The following PIGP variants were observed in gnomAD, a reference collection of about 807,000 sequenced individuals.
PIGP encodes phosphatidylinositol N-acetylglucosaminyltransferase subunit P.
In PIGP, 12 loss-of-function variants were observed where a neutral mutation model predicts 16.9. The observed-to-expected ratio is 0.71, with a 90% CI of 0.46 to 1.15. The LOEUF (loss-of-function observed/expected upper bound fraction) is 1.15. Among genes scored for constraint, PIGP ranks in the 50% most tolerant of loss-of-function variants. The pLI is 0.00. For synonymous variants in PIGP, 57 were observed against 54.7 expected (o/e 1.04, Z -0.18); for missense variants, 159 against 153.5 (o/e 1.04, Z -0.19).
In PIGP at chr21:37,072,275, G is replaced by A. The variant is rs952042581; in HGVS notation, c.82+159C>T. On this transcript the variant is annotated intron_variant, in intron 2 of 4. Coordinates refer to ENST00000360525, the MANE Select transcript of PIGP (RefSeq NM_153682.3). ...ACCTCCTAGGCTAGTGCTGGCACAC[G>A]GAACACTCAGCAAACACGAGATCCC... 8.1e-6 allele frequency: 13 copies of A among 1,608,096 alleles called. No individual in the cohort carries two copies. The East Asian group carries it at 2.7e-4, about 33-fold the overall frequency.
chr21:37,065,595 T>TCCC lies in PIGP; in HGVS notation c.391_392insGGG (p.Tyr131delinsTrpAsp). On this transcript the variant is annotated protein_altering_variant, in exon 5 of 5. Transcript: ENST00000360525. The stretch of plus-strand genomic sequence containing the variant: ...GTTACACACAGTTCAGTTTTTGGTG[T>TCCC]AAAGTTCTTTGGCTGCAAGAAAGAA... 1 of 1,613,180 alleles carries TCCC rather than the reference T, an allele frequency of 6.2e-7. No individual in the cohort carries two copies. The highest frequency in any genetic ancestry group is 8.5e-7 in the Non-Finnish European group (1 of 1,179,622).
chr21:37,070,914 C>A (rs116142166), intron 2 of PIGP, among the ~76,000 whole-genome samples: 5,679 of 152,254 alleles, frequency 0.037, 316 homozygotes, highest in African/African-American at 0.13. Flanking sequence ...AGGCATGCGC[C>A]ACCATCCCGG....
chr21:37,069,618 T>C lies in PIGP; in HGVS notation c.89A>G (p.Tyr30Cys). 1.3e-6 allele frequency: 2 copies of C among 1,561,420 alleles called. No homozygotes were observed. The highest frequency in any genetic ancestry group is 1.4e-5 in the African/African-American group (1 of 73,436). The stretch of plus-strand genomic sequence containing the variant: ...TTCAGGAATAAAGGCCCACACGAGG[T>C]AAAGTACTGTAGAAAAGAAAAAGAA... ...FLSSQFGFIL[Y>C]LVWAFIPESW... Residue 30 changes from tyrosine to cysteine, a missense_variant, in exon 3 of 5, where the codon TAC (tyrosine) becomes TGC (cysteine). Transcript: ENST00000360525.
chr21:37,068,679 A>T (rs2069947796), intron 3 of PIGP, among the ~76,000 whole-genome samples: 1 of 152,146 alleles, frequency 6.6e-6, no homozygotes, highest in Non-Finnish European at 1.5e-5. Context: ...TCAACTGGTG[A>T]GCCTCACTCT....
rs1399945493 is a variant in PIGP, at chr21:37,067,337, C to T, written c.199G>A (p.Val67Ile). Residue 67 changes from valine to isoleucine, a missense_variant, in exon 4 of 5, where the codon GTA (valine) becomes ATA (isoleucine). Val to Ile is a conservative substitution (Grantham distance 29). Coordinates refer to ENST00000360525, the MANE Select transcript of PIGP (RefSeq NM_153682.3). ...CCAAACAAGAGCACGTAGCCAATTA[C>T]TATAGCAATAAGGAGGTAGACAGGT... ...ALPVYLLIAIVIGYVLLFGIN... is the reference protein window; with the variant it reads ...ALPVYLLIAIIIGYVLLFGIN... 5.0e-6 allele frequency: 8 copies of T among 1,611,444 alleles called. No individual in the cohort carries two copies. The African/African-American group carries it at 9.4e-5, about 19-fold the overall frequency.
At chr21:37,071,159 A>G (rs748345941) in intron 2 of PIGP, among the ~76,000 whole-genome samples, 2 of 152,238 alleles carry the variant, frequency 1.3e-5, no homozygotes, top group African/African-American at 2.4e-5. Context: ...TAACAATAAC[A>G]TCAGTAGCTA....
Position 37,072,430 on chromosome 21 carries a change from T to C in PIGP, c.82+4A>G. 6.2e-7 allele frequency: 1 copy of C among 1,614,166 alleles called. No individual in the cohort carries two copies. ...CCCTGGCCATCCATCAGGAAAGTAC[T>C]TACTGAAGCCAAATTGGGAGCTTAA... On this transcript the variant is annotated splice_donor_region_variant and intron_variant, in intron 2 of 4. Transcript: ENST00000360525.
At chr21:37,067,510 A>G in intron 3 of PIGP, 130 bp from the exon 4 acceptor site, 1 of 581,696 alleles carries the variant, frequency 1.7e-6, no homozygotes, top group East Asian at 3.0e-5. Context: ...TAAGAGACAA[A>G]TAGTTCCACA....
chr21:37,069,889 G>C (rs1041700247), intron 2 of PIGP, among the ~76,000 whole-genome samples: 10 of 151,960 alleles, frequency 6.6e-5, no homozygotes, highest in Non-Finnish European at 4.4e-5. Context: ...TCATGGCTTA[G>C]CAATTGTTGT....
intron 4 of PIGP, among the ~76,000 whole-genome samples, chr21:37,066,876 C>G (rs765524140): frequency 6.6e-6 from 1 of 151,990 alleles, no homozygotes; most frequent in Admixed American, 6.6e-5. Context: ...ATGAATATAG[C>G]TAGTGTGTAT....
chr21:37,065,376 T>C lies in PIGP; in HGVS notation c.*206A>G, dbSNP rs1601120166. On this transcript the variant is annotated 3_prime_UTR_variant, in exon 5 of 5. Transcript: ENST00000360525. ...GATTTTTTTTTTTAAGTCTGCTATA[T>C]GGGAATGCAATATTGTATTTATTCT... is the stretch of plus-strand genomic sequence containing the variant. 2.4e-6 allele frequency: 1 copy of C among 408,672 alleles called. No individual in the cohort carries two copies. The highest frequency in any genetic ancestry group is 5.8e-5 in the East Asian group (1 of 17,308). The allele number at this position is 408,672 out of a possible 1,614,324, so 25.3% of individuals were successfully genotyped here. A position where few individuals can be genotyped will look rare whatever the true frequency, so the allele number is the denominator to read the frequency against.
In PIGP at chr21:37,072,227, TATAA is replaced by T. The variant is rs1361139692; in HGVS notation, c.82+203_82+206del. ...CACTTTGCCATCGCGTCTGGTGCTG[TATAA>T]ATATTTGTAGAGACTAAAACCTCCT... On this transcript the variant is annotated intron_variant, in intron 2 of 4. Transcript: ENST00000360525. The T allele has an allele frequency of 5.0e-6, 8 of 1,611,422 alleles. No homozygotes were observed. The East Asian group carries it at 1.3e-4, about 27-fold the overall frequency.
Position 37,069,637 on chromosome 21 carries a change from A to C in PIGP, c.83-13T>G. The C allele has an allele frequency of 1.3e-6, 2 of 1,511,882 alleles. No homozygotes were observed. Among genetic ancestry groups the C allele is most frequent in the Non-Finnish European group, 1.8e-6 (2 of 1,114,088 alleles). The allele number at this position is 1,511,882 out of a possible 1,614,324, so 93.7% of individuals were successfully genotyped here. ...ACGAGGTAAAGTACTGTAGAAAAGA[A>C]AAAGAAAAAAAAGAGGAAGAGAAGT... On this transcript the variant is annotated splice_polypyrimidine_tract_variant and intron_variant, in intron 2 of 4. Coordinates refer to ENST00000360525, the MANE Select transcript of PIGP (RefSeq NM_153682.3).
intron 4 of PIGP, among the ~76,000 whole-genome samples, chr21:37,066,218 C>T (rs2069901027): frequency 6.6e-6 from 1 of 152,128 alleles, no homozygotes; most frequent in African/African-American, 2.4e-5. Context: ...ATTAAAGTCT[C>T]ATTTGCACAT....
chr21:37,072,645 C>T (rs1425459716), intron 1 of PIGP, 108 bp from the exon 2 acceptor site: 5 of 1,573,340 alleles, frequency 3.2e-6, no homozygotes, highest in Non-Finnish European at 4.3e-6. Context: ...CGCAGAACCG[C>T]CTCCCGCGCC....
chr21:37,068,943 G>A (rs1379321008), intron 3 of PIGP, among the ~76,000 whole-genome samples: 1 of 152,180 alleles, frequency 6.6e-6, no homozygotes. Flanking sequence ...TGGCCCCCAT[G>A]CTAGAGACTC....
intron 2 of PIGP, among the ~76,000 whole-genome samples, chr21:37,070,442 T>C (rs990166383): frequency 2.6e-5 from 4 of 152,196 alleles, no homozygotes; most frequent in Non-Finnish European, 4.4e-5. Flanking sequence ...TAGTGGTGAA[T>C]AGAGAAAATT....
At chr21:37,070,315 A>G (rs2069981823) in intron 2 of PIGP, among the ~76,000 whole-genome samples, 1 of 152,238 alleles carries the variant, frequency 6.6e-6, no homozygotes, top group South Asian at 2.1e-4. Flanking sequence ...CTACTACATC[A>G]GTGATGATGC....
intron 3 of PIGP, among the ~76,000 whole-genome samples, chr21:37,068,443 T>G (rs183050083): frequency 6.6e-6 from 1 of 152,294 alleles, no homozygotes; most frequent in East Asian, 1.9e-4. Context: ...TCTTGTTTCA[T>G]AGTTATAATT....
Sources: gnomAD v4.1 joint callset for allele counts (sites outside exome capture counted in the v4.1 genomes callset) on GRCh38, gnomAD v4.1.1 for gene constraint, MANE v1.5 for transcripts, NCBI Gene and HGNC (gene_info 2026-07-23, HGNC 2026-07-21) for gene names.